Variants in ATP10B observed in about 807,000 individuals in gnomAD.
ATP10B encodes phospholipid-transporting ATPase VB.
ATP10B carries 122 observed loss-of-function variants against 141.2 expected under a neutral mutation model. The ratio of observed to expected loss-of-function variants is 0.86; its 90% confidence interval spans 0.75 to 1.00. The LOEUF is 1.00. Ranked by LOEUF, ATP10B falls within the 50% of genes least tolerant of loss-of-function variation. The probability of loss-of-function intolerance (pLI) is 0.00; values close to 1 mark genes in which losing one functional copy is unlikely to be tolerated. For synonymous variants in ATP10B, 685 were observed against 692.0 expected (o/e 0.99, Z 0.16); for missense variants, 1,876 against 1,825.3 (o/e 1.03, Z -0.51).
chr5:160,836,599 T>G (rs1775449951), intron 1 of ATP10B, among the ~76,000 whole-genome samples: 5 of 152,116 alleles, frequency 3.3e-5, no homozygotes, highest in Admixed American at 3.3e-4. Context: ...AATAATACCC[T>G]CGGTGAACTA....
Position 160,604,009 on chromosome 5 carries a change from C to G in ATP10B, c.3193G>C (p.Ala1065Pro). The stretch of plus-strand genomic sequence containing the variant: ...GATATTCCAATTCCAATATCAGCAG[C>G]TTGAATCATGCTTACATCATTTGCT... ...DGANDVSMIQ[A>P]ADIGIGISGQ... The change falls in exon 20 of 26, where the codon GCT (alanine) becomes CCT (proline). Residue 1065 changes from alanine (A) to proline (P), a missense_variant. Ala to Pro is a conservative substitution (Grantham distance 27, BLOSUM62 -1). Coordinates refer to ENST00000327245, the MANE Select transcript of ATP10B (RefSeq NM_025153.3). The G allele has an allele frequency of 6.2e-7, 1 of 1,613,964 alleles. No individual in the cohort carries two copies. Among genetic ancestry groups the G allele is most frequent in the Non-Finnish European group, 8.5e-7 (1 of 1,179,952 alleles).
chr5:160,817,512 T>G (rs1191137244), intron 1 of ATP10B, among the ~76,000 whole-genome samples: 1 of 152,094 alleles, frequency 6.6e-6, no homozygotes, highest in Non-Finnish European at 1.5e-5. Flanking sequence ...TACAAACAAA[T>G]GGAAGAACAT....
At chr5:160,889,984 A>G in the ATP10B span, among the ~76,000 whole-genome samples, 5 of 152,144 alleles carry the variant, frequency 3.3e-5, no homozygotes, top group Non-Finnish European at 7.4e-5. Context: ...TCCCTAGTGA[A>G]TTCTTTGGAA....
chr5:160,831,265 T>G (rs1421725800), intron 1 of ATP10B, among the ~76,000 whole-genome samples: 1 of 152,048 alleles, frequency 6.6e-6, no homozygotes, highest in East Asian at 1.9e-4. Flanking sequence ...AAGTTCTTAA[T>G]TAATGGTGAC....
At chr5:160,679,668 G>A (rs1226162363) in intron 6 of ATP10B, among the ~76,000 whole-genome samples, 1 of 152,160 alleles carries the variant, frequency 6.6e-6, no homozygotes, top group East Asian at 1.9e-4. Context: ...AGTCCTTTGA[G>A]GGCACATAAG....
At chr5:160,813,310 T>C (rs1773309675) in intron 1 of ATP10B, among the ~76,000 whole-genome samples, 1 of 152,214 alleles carries the variant, frequency 6.6e-6, no homozygotes, top group Non-Finnish European at 1.5e-5. Flanking sequence ...CCAATGGTCT[T>C]AGCAAACGAC....
the ATP10B span, among the ~76,000 whole-genome samples, chr5:160,885,584 AT>A: frequency 5.3e-5 from 8 of 152,320 alleles, no homozygotes; most frequent in East Asian, 1.3e-3. Context: ...ATTAAATCCC[AT>A]TTTGAGTGGG....
At chr5:160,694,890 TCA>T (rs1166245102) in intron 3 of ATP10B, among the ~76,000 whole-genome samples, 1 of 152,158 alleles carries the variant, frequency 6.6e-6, no homozygotes, top group East Asian at 1.9e-4. Flanking sequence ...AAAGACAAAA[TCA>T]CAACAGGTTT....
At chr5:160,750,824 G>A (rs1768103871) in intron 2 of ATP10B, among the ~76,000 whole-genome samples, 1 of 152,198 alleles carries the variant, frequency 6.6e-6, no homozygotes, top group African/African-American at 2.4e-5. Flanking sequence ...CCAGCCGGAA[G>A]GAACTTCCAG....
chr5:160,704,145 A>G (rs1166862517), intron 3 of ATP10B, among the ~76,000 whole-genome samples: 1 of 151,908 alleles, frequency 6.6e-6, no homozygotes, highest in Non-Finnish European at 1.5e-5. Context: ...GCAGTCTTAA[A>G]CTCCTGGGCG....
intron 2 of ATP10B, among the ~76,000 whole-genome samples, chr5:160,775,665 G>A (rs1178839400): frequency 6.7e-6 from 1 of 148,994 alleles, no homozygotes; most frequent in Non-Finnish European, 1.5e-5. Context: ...TCTGCTTTCT[G>A]CAAGTTTCAG....
chr5:160,860,760 C>T, the ATP10B span, among the ~76,000 whole-genome samples: 1 of 151,886 alleles, frequency 6.6e-6, no homozygotes, highest in African/African-American at 2.4e-5. Context: ...TTAGCCTTCA[C>T]ATACTTAAAT....
chr5:160,811,965 C>A (rs919067356), intron 1 of ATP10B, among the ~76,000 whole-genome samples: 1 of 151,416 alleles, frequency 6.6e-6, no homozygotes, highest in African/African-American at 2.4e-5. Flanking sequence ...GCCTGTGTTA[C>A]TCCACCCCCA....
At chr5:160,601,992 C>A (rs1478281355) in intron 21 of ATP10B, among the ~76,000 whole-genome samples, 1 of 152,200 alleles carries the variant, frequency 6.6e-6, no homozygotes. Flanking sequence ...AGCTCTTGCA[C>A]TGAGCTGGCT....
intron 22 of ATP10B, among the ~76,000 whole-genome samples, 169 bp downstream of exon 22, chr5:160,598,601 A>C (rs955291702): frequency 6.6e-6 from 1 of 152,196 alleles, no homozygotes; most frequent in Non-Finnish European, 1.5e-5. Flanking sequence ...AGCAAGTAAG[A>C]AACGGGTCAG....
chr5:160,668,360 A>AGT (rs10554825), intron 7 of ATP10B, among the ~76,000 whole-genome samples: 1 of 151,568 alleles, frequency 6.6e-6, no homozygotes, highest in Non-Finnish European at 1.5e-5. Context: ...AGCATGTGTG[A>AGT]GTGTGTGTGT....
the ATP10B span, among the ~76,000 whole-genome samples, chr5:160,891,821 C>T: frequency 6.6e-6 from 1 of 152,172 alleles, no homozygotes; most frequent in Non-Finnish European, 1.5e-5. Flanking sequence ...TGACTCTATT[C>T]ATTTACTTAG....
intron 21 of ATP10B, 145 bp downstream of exon 21, chr5:160,602,432 T>C: frequency 9.6e-7 from 1 of 1,040,106 alleles, no homozygotes; most frequent in Non-Finnish European, 1.4e-6. Flanking sequence ...CACAGAGCTA[T>C]TAAGGAACAG....
At chr5:160,608,508 G>A (rs1348313879) in intron 18 of ATP10B, among the ~76,000 whole-genome samples, 1 of 152,208 alleles carries the variant, frequency 6.6e-6, no homozygotes, top group Non-Finnish European at 1.5e-5. Context: ...TCGCCGCACT[G>A]TCTTCCACAA....
Sources: allele counts gnomAD v4.1 joint callset (sites outside exome capture counted in the v4.1 genomes callset), GRCh38; gene constraint gnomAD v4.1.1; transcripts MANE v1.5; gene names NCBI Gene and HGNC (gene_info 2026-07-23, HGNC 2026-07-21).